Variants in NLN observed in about 807,000 individuals in gnomAD.
NLN encodes neurolysin.
Under a neutral mutation model 79.9 loss-of-function variants are expected in NLN, and 64 were observed. That is an observed-to-expected ratio of 0.80 (90% CI 0.65 to 0.99). The LOEUF is 0.99. Ranked by LOEUF, NLN falls within the 50% of genes least tolerant of loss-of-function variation. The pLI is 0.00. For synonymous variants in NLN, 267 were observed against 296.6 expected (o/e 0.90, Z 1.02); for missense variants, 835 against 858.7 (o/e 0.97, Z 0.34).
At chr5:65,792,052 T>A (rs1022104896) in intron 8 of NLN, among the ~76,000 whole-genome samples, 2 of 152,222 alleles carry the variant, frequency 1.3e-5, no homozygotes, top group African/African-American at 4.8e-5. Flanking sequence ...TTATTCCGAT[T>A]TTAATGAAAA....
intron 12 of NLN, among the ~76,000 whole-genome samples, chr5:65,816,006 T>G (rs933067151): frequency 1.3e-5 from 2 of 152,138 alleles, no homozygotes; most frequent in Non-Finnish European, 2.9e-5. Flanking sequence ...AGTGTTACTT[T>G]AGAGCGAACA....
At chr5:65,804,236 T>C (rs1282681041) in intron 9 of NLN, among the ~76,000 whole-genome samples, 3 of 152,214 alleles carry the variant, frequency 2.0e-5, no homozygotes, top group African/African-American at 7.2e-5. Context: ...GGTTTCAAAT[T>C]GAAGTTACAT....
chr5:65,780,168 C>T lies in NLN; in HGVS notation c.559-11C>T. 2 of 1,099,208 alleles carry T rather than the reference C, an allele frequency of 1.8e-6. No homozygotes were observed. The highest frequency in any genetic ancestry group is 2.8e-6 in the Non-Finnish European group (2 of 724,934). 68.1% of individuals were successfully genotyped at this position (1,099,208 alleles called of 1,614,324 possible). On this transcript the variant is annotated splice_polypyrimidine_tract_variant and intron_variant, in intron 4 of 12. Transcript: ENST00000380985. The stretch of plus-strand genomic sequence containing the variant: ...TATTGCTAATGCCCTGTATTTTTAT[C>T]TTCCTTTCAGGAAATCAAATCAATG...
rs749732950 is a variant in NLN, at chr5:65,788,233, C to T, written c.1074C>T (p.Ala358=). 2.5e-6 allele frequency: 4 copies of T among 1,614,082 alleles called. No individual in the cohort carries two copies. The Admixed American group carries it at 5.0e-5, about 20-fold the overall frequency. Residue 358 remains alanine, a synonymous_variant, in exon 8 of 13, where the codon GCC becomes GCT. Transcript: ENST00000380985. ...RGFEYDGKIN[A]WDLYYYMTQT... The stretch of plus-strand genomic sequence containing the variant: ...TTGAATATGATGGGAAAATCAATGC[C>T]TGGGATCTATATTACTACATGACTC...
At chr5:65,739,386 ATG>A (rs750703745) in intron 1 of NLN, among the ~76,000 whole-genome samples, 1 of 152,102 alleles carries the variant, frequency 6.6e-6, no homozygotes, top group Non-Finnish European at 1.5e-5. Flanking sequence ...TTCATTGTGT[ATG>A]TATACCACAT....
chr5:65,811,560 G>A (rs1579969571), intron 11 of NLN, among the ~76,000 whole-genome samples: 2 of 152,166 alleles, frequency 1.3e-5, no homozygotes, highest in South Asian at 2.1e-4. Context: ...ACTCACGCCT[G>A]TAATCCCAAC....
intron 1 of NLN, chr5:65,740,870 C>CTTTTTTTTTTT (rs35913094): frequency 7.9e-6 from 1 of 126,362 alleles, no homozygotes; most frequent in Non-Finnish European, 1.6e-5. Context: ...ATACGTAATT[C>CTTTTTTTTTTT]TTTTTTTTTT....
In NLN at chr5:65,822,767, T is replaced by C. The variant is rs369693031; in HGVS notation, c.1981-14T>C. 2.4e-5 allele frequency: 39 copies of C among 1,602,814 alleles called. No homozygotes were observed. Among genetic ancestry groups the C allele is most frequent in the Non-Finnish European group, 2.8e-5 (33 of 1,169,804 alleles). ...GAACCATGAATTATTAGGTATGATG[T>C]TTTATTTTATTAGGTTGGAATGAAA... On this transcript the variant is annotated splice_polypyrimidine_tract_variant and intron_variant, in intron 12 of 12. Transcript: ENST00000380985.
intron 10 of NLN, 42 bp downstream of exon 10, chr5:65,809,743 C>T (rs1428577099): frequency 6.9e-7 from 1 of 1,439,196 alleles, no homozygotes; most frequent in East Asian, 2.3e-5. Context: ...ATTAGAATCT[C>T]TTAATGTAGA....
At position 65,747,008 on chromosome 5, in the gene NLN, A is replaced by G. The variant is rs916823899; in HGVS notation, c.42-11559A>G. 4.0e-5 allele frequency among the ~76,000 whole-genome samples: 6 copies of G among 151,866 alleles called. No individual in the cohort carries two copies. The South Asian group carries it at 8.3e-4, about 21-fold the overall frequency. ...GACTGAGCGAGATTCTGTCTCAGAA[A>G]AAAAAAAAAAAAAAGATTTTGCTGA... On this transcript the variant is annotated intron_variant, in intron 1 of 12. Transcript: ENST00000380985.
intron 3 of NLN, among the ~76,000 whole-genome samples, chr5:65,776,817 G>A (rs906682687): frequency 6.6e-6 from 1 of 152,190 alleles, no homozygotes; most frequent in Non-Finnish European, 1.5e-5. Flanking sequence ...TCCACTTTGT[G>A]CAGTGCTGAC....
intron 1 of NLN, among the ~76,000 whole-genome samples, chr5:65,751,447 G>A (rs535617615): frequency 2.0e-5 from 3 of 152,324 alleles, no homozygotes; most frequent in Admixed American, 6.5e-5. Context: ...TCAGTGTGCA[G>A]TGCATTGGGG....
rs1760969744 is a variant in NLN, at chr5:65,828,912, C to T, written c.*5997C>T. On this transcript the variant is annotated 3_prime_UTR_variant, in exon 13 of 13. Coordinates refer to ENST00000380985, the MANE Select transcript of NLN (RefSeq NM_020726.5). ...GTTTATGGCTTAAGGTTGCCTCGCTCCTCATCTGTAATCAGTGAAAGTTTA... is the reference window on the plus strand; with the variant it reads ...GTTTATGGCTTAAGGTTGCCTCGCTTCTCATCTGTAATCAGTGAAAGTTTA... 6.6e-6 allele frequency: 1 copy of T among 152,218 alleles called. No homozygotes were observed. Among genetic ancestry groups the T allele is most frequent in the East Asian group, 1.9e-4 (1 of 5,204 alleles). The allele number at this position is 152,218 out of a possible 1,614,324, so 9.4% of individuals were successfully genotyped here. A position where few individuals can be genotyped will look rare whatever the true frequency, so the allele number is the denominator to read the frequency against.
chr5:65,738,892 G>A (rs1242660925), intron 1 of NLN, among the ~76,000 whole-genome samples: 2 of 146,136 alleles, frequency 1.4e-5, no homozygotes, highest in Non-Finnish European at 3.0e-5. Context: ...GAGTAGCTGG[G>A]ATCACAGGTG....
At chr5:65,804,458 G>C (rs1193804307) in intron 9 of NLN, among the ~76,000 whole-genome samples, 1 of 152,200 alleles carries the variant, frequency 6.6e-6, no homozygotes, top group African/African-American at 2.4e-5. Flanking sequence ...AAACAAGTGT[G>C]TTAGTGCTGT....
At position 65,825,495 on chromosome 5, in the gene NLN, C is replaced by T. The variant is rs758314308; in HGVS notation, c.*2580C>T. 2.0e-5 allele frequency: 3 copies of T among 151,926 alleles called. No individual in the cohort carries two copies. Among genetic ancestry groups the T allele is most frequent in the Non-Finnish European group, 2.9e-5 (2 of 67,994 alleles). The allele number at this position is 151,926 out of a possible 1,614,324, so 9.4% of individuals were successfully genotyped here. ...GCATGATCCTAAAGGTTTAGTTTTA[C>T]GATGCTGCAGAGAAGAGAAATGTCT... On this transcript the variant is annotated 3_prime_UTR_variant, in exon 13 of 13. Coordinates refer to ENST00000380985, the MANE Select transcript of NLN (RefSeq NM_020726.5).
intron 1 of NLN, among the ~76,000 whole-genome samples, chr5:65,747,031 T>C (rs1758996368): frequency 6.6e-6 from 1 of 150,444 alleles, no homozygotes; most frequent in Admixed American, 6.6e-5. Context: ...AAGATTTTGC[T>C]GAGAGAGATG....
chr5:65,764,093 C>T (rs1228423389), intron 3 of NLN, among the ~76,000 whole-genome samples: 2 of 152,040 alleles, frequency 1.3e-5, no homozygotes, highest in African/African-American at 2.4e-5. Flanking sequence ...TATTTCATCC[C>T]CAAATTACAT....
intron 6 of NLN, among the ~76,000 whole-genome samples, chr5:65,783,077 CA>C (rs890911752): frequency 1.3e-5 from 2 of 152,110 alleles, no homozygotes; most frequent in Admixed American, 6.5e-5. Context: ...GTCAAAAGCA[CA>C]GTTAACTCAA....
Sources: allele counts gnomAD v4.1 joint callset (sites outside exome capture counted in the v4.1 genomes callset), GRCh38; gene constraint gnomAD v4.1.1; transcripts MANE v1.5; gene names NCBI Gene and HGNC (gene_info 2026-07-23, HGNC 2026-07-21).